PCDHGA3: variants seen among roughly 807,000 people sequenced by gnomAD.
The protein encoded by PCDHGA3 is protocadherin gamma subfamily A, 3, also known as protocadherin gamma-A3.
In PCDHGA3, 40 loss-of-function variants were observed where a neutral mutation model predicts 58.5. The ratio of observed to expected loss-of-function variants is 0.68; its 90% confidence interval spans 0.53 to 0.89. PCDHGA3 has a LOEUF of 0.89. PCDHGA3 is among the 40% of genes least tolerant of loss of function. PCDHGA3 has a pLI of 0.00. For missense variants in PCDHGA3, 1,223 were observed against 1,195.9 expected, an observed-to-expected ratio of 1.02 and a Z score of -0.33; for synonymous variants, 530 against 525.7, an observed-to-expected ratio of 1.01 and a Z score of -0.11.
In PCDHGA3 at chr5:141,476,908, A is replaced by G. The variant is rs754076231; in HGVS notation, c.2425-17899A>G. 6.2e-7 allele frequency: 1 copy of G among 1,614,050 alleles called. No individual in the cohort carries two copies. The highest frequency in any genetic ancestry group is 8.5e-7 in the Non-Finnish European group (1 of 1,180,038). On this transcript the variant is annotated intron_variant, in intron 1 of 3. Coordinates refer to ENST00000253812, the MANE Select transcript of PCDHGA3 (RefSeq NM_018916.4). This position sits in a 1 kb window ranked among gnomAD's most constrained non-coding sequence, Gnocchi z 7.6. ...ATGCACCCTCCGGCACGCGCGTGGT[A>G]CAAGTCCTTGCAACGGATCTGGATG...
rs767291767 is a variant in PCDHGA3, at chr5:141,487,668, T to C, written c.2425-7139T>C. ...CTTGAGGGTTATTCTGATCCAGGCA[T>C]ATGGCTAGGCCATGTCCTAGAGAGT... is the stretch of plus-strand genomic sequence containing the variant. On this transcript the variant is annotated intron_variant, in intron 1 of 3. Transcript: ENST00000253812. The surrounding 1 kb of genome is among the most constrained non-coding windows in gnomAD (Gnocchi z 5.0). 1.9e-6 allele frequency: 3 copies of C among 1,612,658 alleles called. No homozygotes were observed. Among genetic ancestry groups the C allele is most frequent in the South Asian group, 1.1e-5 (1 of 90,650 alleles).
Position 141,491,302 on chromosome 5 carries a change from T to TC in PCDHGA3, c.2425-3504dup. The TC allele has an allele frequency of 6.2e-7, 1 of 1,614,126 alleles. No individual in the cohort carries two copies. Among genetic ancestry groups the TC allele is most frequent in the Non-Finnish European group, 8.5e-7 (1 of 1,180,000 alleles). On this transcript the variant is annotated intron_variant, in intron 1 of 3. Transcript: ENST00000253812. The surrounding 1 kb of genome is among the most constrained non-coding windows in gnomAD (Gnocchi z 6.9). ...CTTCCTCATACACCCTCCTGAGCGT[T>TC]CAGACCTTACCCTTTACCTCATTGT... is the stretch of plus-strand genomic sequence containing the variant.
At chr5:141,420,341 G>A in intron 1 of PCDHGA3, 5 of 1,391,412 alleles carry the variant, frequency 3.6e-6, no homozygotes, top group Middle Eastern at 1.9e-4. Context: ...CAATATAGTG[G>A]TATTATTTTA....
At chr5:141,506,444 CAAA>C (rs1219684339) in intron 3 of PCDHGA3, among the ~76,000 whole-genome samples, 12 of 95,004 alleles carry the variant, frequency 1.3e-4, no homozygotes, top group Admixed American at 3.3e-4. Context: ...CGCTCTGTCT[CAAA>C]AAAAAAAAAA....
intron 1 of PCDHGA3, chr5:141,370,475 GGCTCTCTCCGAACCGATCC>G: frequency 6.2e-7 from 1 of 1,613,676 alleles, no homozygotes; most frequent in Non-Finnish European, 8.5e-7. Flanking sequence ...TGTTAGACCA[GGCTCTCTCCGAACCGATCC>G]GCTACGCTAT....
At chr5:141,406,346 G>T (rs1296474677) in intron 1 of PCDHGA3, among the ~76,000 whole-genome samples, 2 of 152,092 alleles carry the variant, frequency 1.3e-5, no homozygotes, top group Non-Finnish European at 2.9e-5. Flanking sequence ...ATTTATTCAG[G>T]TCATACTATG....
chr5:141,374,437 C>A (rs549456032), intron 1 of PCDHGA3: 1 of 1,613,846 alleles, frequency 6.2e-7, no homozygotes, highest in South Asian at 1.1e-5. Flanking sequence ...ATCTTTATCC[C>A]GTGGAAGTGG....
intron 1 of PCDHGA3, among the ~76,000 whole-genome samples, chr5:141,470,268 G>A (rs1349444076): frequency 6.6e-6 from 1 of 152,082 alleles, no homozygotes; most frequent in East Asian, 1.9e-4. Flanking sequence ...GGAGATACAT[G>A]TTTGTTTGAT....
chr5:141,392,463 AT>A (rs770659302), intron 1 of PCDHGA3: 30 of 173,504 alleles, frequency 1.7e-4, no homozygotes, highest in Non-Finnish European at 2.8e-4. Context: ...TTACGGATAA[AT>A]CAAATAAATT....
chr5:141,509,371 T>C (rs2099876508), intron 3 of PCDHGA3, among the ~76,000 whole-genome samples: 1 of 152,258 alleles, frequency 6.6e-6, no homozygotes, highest in South Asian at 2.1e-4. Context: ...AGGTTTTAAC[T>C]GTCTCCTAAC....
At chr5:141,424,726 T>C (rs1041673348) in intron 1 of PCDHGA3, 7 of 152,218 alleles carry the variant, frequency 4.6e-5, no homozygotes, top group African/African-American at 4.8e-5. Context: ...TTGGGAGTCA[T>C]AGATTCCTTC....
chr5:141,355,169 C>A (rs753158485), intron 1 of PCDHGA3: 1 of 1,568,854 alleles, frequency 6.4e-7, no homozygotes, highest in Non-Finnish European at 8.6e-7. Flanking sequence ...GAGGGAAAAC[C>A]GAAGCACAGG....
At chr5:141,352,556 C>G in intron 1 of PCDHGA3, 1 of 1,613,980 alleles carries the variant, frequency 6.2e-7, no homozygotes, top group Non-Finnish European at 8.5e-7. Context: ...TTCTCTCAAC[C>G]TGACACCGGA....
intron 1 of PCDHGA3, chr5:141,372,064 A>G (rs534724571): frequency 1.2e-6 from 2 of 1,613,610 alleles, no homozygotes; most frequent in Non-Finnish European, 1.7e-6. Context: ...GACCGCAACG[A>G]CAATGCACCG....
chr5:141,431,984 G>A lies in PCDHGA3; in HGVS notation c.2425-62823G>A, dbSNP rs758365921. 2 of 1,614,220 alleles carry A rather than the reference G, an allele frequency of 1.2e-6. No individual in the cohort carries two copies. The highest frequency in any genetic ancestry group is 2.2e-5 in the South Asian group (2 of 91,086). On this transcript the variant is annotated intron_variant, in intron 1 of 3. Transcript: ENST00000253812. The surrounding 1 kb of genome is among the most constrained non-coding windows in gnomAD (Gnocchi z 4.8). ...TTACTATAGTTTAGTCACAGACATAGTCTTGGATAGGGAACAGGTTCCTAG... is the reference window on the plus strand; with the variant it reads ...TTACTATAGTTTAGTCACAGACATAATCTTGGATAGGGAACAGGTTCCTAG...
chr5:141,417,892 C>G lies in PCDHGA3; in HGVS notation c.2424+71435C>G, dbSNP rs550343206. On this transcript the variant is annotated intron_variant, in intron 1 of 3. Coordinates refer to ENST00000253812, the MANE Select transcript of PCDHGA3 (RefSeq NM_018916.4). Reference sequence around the variant, plus strand: ...GGAGCTGCGCGCAGAGGCGCCGGGCCGGCCCGCGGCAGGTACTATTTCCTT... The same window carrying G: ...GGAGCTGCGCGCAGAGGCGCCGGGCGGGCCCGCGGCAGGTACTATTTCCTT... 2.2e-4 allele frequency: 348 copies of G among 1,570,774 alleles called. 2 individuals carry two copies. The South Asian group carries it at 3.7e-3, about 17-fold the overall frequency.
intron 1 of PCDHGA3, among the ~76,000 whole-genome samples, chr5:141,468,246 A>G (rs2099161183): frequency 6.7e-6 from 1 of 149,754 alleles, no homozygotes; most frequent in South Asian, 2.1e-4. Context: ...AATTGCCTGA[A>G]CCTGGGAGGC....
chr5:141,414,624 G>A (rs764233527), intron 1 of PCDHGA3: 5 of 1,613,814 alleles, frequency 3.1e-6, no homozygotes, highest in African/African-American at 2.7e-5. Flanking sequence ...CGCTGGACCC[G>A]GACAGCAAAG....
intron 1 of PCDHGA3, chr5:141,421,202 C>G (rs1345590720): frequency 6.6e-7 from 1 of 1,519,226 alleles, no homozygotes; most frequent in Non-Finnish European, 8.8e-7. Flanking sequence ...CTCGAGAAAC[C>G]GCGGAATATC....
Sources: gnomAD v4.1 joint callset for allele counts (sites outside exome capture counted in the v4.1 genomes callset) on GRCh38, gnomAD v4.1.1 for gene constraint, Gnocchi (gnomAD v3.1) non-coding constraint, MANE v1.5 for transcripts, NCBI Gene and HGNC (gene_info 2026-07-23, HGNC 2026-07-21) for gene names.